Variants in SMYD2 observed in about 807,000 individuals in gnomAD.
SMYD2 encodes the protein SET and MYND domain containing 2, also known as N-lysine methyltransferase SMYD2.
In SMYD2, 53 loss-of-function variants were observed where a neutral mutation model predicts 59.1. That is an observed-to-expected ratio of 0.90 (90% CI 0.72 to 1.13). The LOEUF is 1.13. SMYD2 is among the 50% of genes most tolerant of loss of function. The pLI is 0.00. For synonymous variants in SMYD2, 208 were observed against 198.8 expected (o/e 1.05, Z -0.39); for missense variants, 494 against 544.7 (o/e 0.91, Z 0.93).
In SMYD2 at chr1:214,337,009, C is replaced by T. The variant is rs1657450936; in HGVS notation, c.*225C>T. The T allele has an allele frequency of 6.4e-6, 3 of 465,350 alleles. No homozygotes were observed. Among genetic ancestry groups the T allele is most frequent in the Non-Finnish European group, 1.1e-5 (3 of 264,814 alleles). 28.8% of individuals were successfully genotyped at this position (465,350 alleles called of 1,614,324 possible). On this transcript the variant is annotated 3_prime_UTR_variant, in exon 12 of 12. Transcript: ENST00000366957. The stretch of plus-strand genomic sequence containing the variant: ...GCTTTTGTTTCCTAAGAGATAATGG[C>T]ATGGTTTCATATGTTATACTTTGGA...
At chr1:214,302,413 G>A (rs1656840040) in intron 1 of SMYD2, among the ~76,000 whole-genome samples, 1 of 151,682 alleles carries the variant, frequency 6.6e-6, no homozygotes, top group African/African-American at 2.4e-5. Flanking sequence ...TACCCTTCAG[G>A]AACCTTTACG....
intron 1 of SMYD2, among the ~76,000 whole-genome samples, chr1:214,291,666 G>T (rs954230430): frequency 6.6e-6 from 1 of 152,002 alleles, no homozygotes; most frequent in Non-Finnish European, 1.5e-5. Flanking sequence ...TTCTTCCAGG[G>T]GTGTTGGCCA....
In SMYD2 at chr1:214,304,561, A is replaced by AAAAG. The variant is rs1656885935; in HGVS notation, c.174-623_174-622insGAAA. On this transcript the variant is annotated intron_variant, in intron 1 of 11. Coordinates refer to ENST00000366957, the MANE Select transcript of SMYD2 (RefSeq NM_020197.3). ...GTGACAGAGTGAGACCCTATCTCAA[A>AAAAG]AAAAAAAAAAAAAAAAAAAAAGCAT... is the stretch of plus-strand genomic sequence containing the variant. 8.7e-5 allele frequency among the ~76,000 whole-genome samples: 13 copies of AAAAG among 148,900 alleles called. No individual in the cohort carries two copies. The South Asian group carries it at 1.2e-3, about 13-fold the overall frequency.
intron 1 of SMYD2, among the ~76,000 whole-genome samples, chr1:214,286,714 G>A (rs1195219530): frequency 7.4e-6 from 1 of 135,882 alleles, no homozygotes. Context: ...GTTGCAGTGA[G>A]CTGAGATCAC....
intron 11 of SMYD2, among the ~76,000 whole-genome samples, chr1:214,336,393 A>G (rs577345079): frequency 1.3e-5 from 2 of 152,314 alleles, no homozygotes; most frequent in East Asian, 1.9e-4. Context: ...TTAGCCAGGC[A>G]TGGTGGTGGG....
chr1:214,324,700 A>G lies in SMYD2; in HGVS notation c.594A>G (p.Ile198Met). Residue 198 changes from isoleucine (I) to methionine (M), a missense_variant, in exon 6 of 12, where the codon ATA (isoleucine) becomes ATG (methionine). Transcript: ENST00000366957. ...DEELSHLGSA[I>M]FPDVALMNHS... ...AACTTTCTCATTTGGGATCAGCGATATTTCCTGAGTAGGCTGTGTTTGACT... is the reference window on the plus strand; with the variant it reads ...AACTTTCTCATTTGGGATCAGCGATGTTTCCTGAGTAGGCTGTGTTTGACT... 1.2e-6 allele frequency: 2 copies of G among 1,612,950 alleles called. No homozygotes were observed. The highest frequency in any genetic ancestry group is 1.7e-6 in the Non-Finnish European group (2 of 1,179,460).
chr1:214,333,948 A>G (rs1657396386), intron 10 of SMYD2: 1 of 360,990 alleles, frequency 2.8e-6, no homozygotes. Flanking sequence ...ATGCTTTTGA[A>G]TAGGATTTCT....
chr1:214,309,042 A>G (rs1420943475), intron 2 of SMYD2, among the ~76,000 whole-genome samples: 14 of 152,168 alleles, frequency 9.2e-5, no homozygotes, highest in East Asian at 1.9e-4. Context: ...TCCTCTTTAC[A>G]TGGAGTAAGG....
At chr1:214,334,687 G>T (rs965497570) in intron 11 of SMYD2, among the ~76,000 whole-genome samples, 2 of 152,194 alleles carry the variant, frequency 1.3e-5, no homozygotes, top group African/African-American at 4.8e-5. Context: ...TGTTAGAATT[G>T]CGCATTTGCT....
chr1:214,318,245 G>A lies in SMYD2; in HGVS notation c.409+106G>A. The A allele has an allele frequency of 2.1e-6, 2 of 973,242 alleles. No individual in the cohort carries two copies. Among genetic ancestry groups the A allele is most frequent in the South Asian group, 1.5e-5 (1 of 64,592 alleles). The allele number at this position is 973,242 out of a possible 1,614,324, so 60.3% of individuals were successfully genotyped here. On this transcript the variant is annotated intron_variant, in intron 4 of 11. Coordinates refer to ENST00000366957, the MANE Select transcript of SMYD2 (RefSeq NM_020197.3). This position sits in a 1 kb window ranked among gnomAD's most constrained non-coding sequence, Gnocchi z 5.4. ...GCTAGTTTGTGCTCAGAGGAGTAGT[G>A]ATTTCTTTGATTACTAGTTTTTATT... is the stretch of plus-strand genomic sequence containing the variant.
At chr1:214,336,084 G>C (rs1657430898) in intron 11 of SMYD2, among the ~76,000 whole-genome samples, 1 of 152,102 alleles carries the variant, frequency 6.6e-6, no homozygotes, top group South Asian at 2.1e-4. Context: ...AGTCCTTAAA[G>C]CATGTTTTAC....
intron 1 of SMYD2, among the ~76,000 whole-genome samples, chr1:214,303,048 T>A (rs1656851814): frequency 6.6e-6 from 1 of 152,130 alleles, no homozygotes; most frequent in African/African-American, 2.4e-5. Context: ...CCCTTGAAAT[T>A]TTACAGACTT....
intron 3 of SMYD2, among the ~76,000 whole-genome samples, chr1:214,316,504 A>C (rs1363710839): frequency 8.6e-5 from 13 of 152,038 alleles, no homozygotes; most frequent in Admixed American, 7.9e-4. Flanking sequence ...ATGAAAAAAA[A>C]AAACAAACTG....
intron 5 of SMYD2, 83 bp downstream of exon 5, chr1:214,319,066 G>T: frequency 6.6e-7 from 1 of 1,509,706 alleles, no homozygotes; most frequent in Non-Finnish European, 9.0e-7. Context: ...CAGTGAAGAT[G>T]AATGCAAATA....
intron 2 of SMYD2, among the ~76,000 whole-genome samples, chr1:214,308,065 C>A (rs981969517): frequency 2.0e-5 from 3 of 152,216 alleles, no homozygotes; most frequent in African/African-American, 7.2e-5. Context: ...TGGAGTTTCC[C>A]CTGCTGCTCA....
chr1:214,319,821 G>A (rs1218234198), intron 5 of SMYD2, among the ~76,000 whole-genome samples: 2 of 152,198 alleles, frequency 1.3e-5, no homozygotes, highest in Non-Finnish European at 2.9e-5. Context: ...TTAGAATTCT[G>A]CTCCATGGGA....
intron 5 of SMYD2, among the ~76,000 whole-genome samples, chr1:214,322,050 TG>T (rs1209367278): frequency 7.9e-5 from 12 of 152,150 alleles, no homozygotes; most frequent in African/African-American, 2.4e-4. Flanking sequence ...CTGGTCTAAG[TG>T]GGCTTGCTGC....
At chr1:214,321,527 A>G (rs548303152) in intron 5 of SMYD2, among the ~76,000 whole-genome samples, 1 of 152,348 alleles carries the variant, frequency 6.6e-6, no homozygotes, top group South Asian at 2.1e-4. Flanking sequence ...CTCAGCCAGC[A>G]GCTACGTGTC....
intron 10 of SMYD2, 140 bp downstream of exon 10, chr1:214,332,332 T>A: frequency 1.0e-6 from 1 of 974,662 alleles, no homozygotes; most frequent in Non-Finnish European, 1.5e-6. Context: ...CTGGAGGTGC[T>A]GGTGCAGGGC....
Sources: gnomAD v4.1 joint callset for allele counts (sites outside exome capture counted in the v4.1 genomes callset) on GRCh38, gnomAD v4.1.1 for gene constraint, Gnocchi (gnomAD v3.1) non-coding constraint, MANE v1.5 for transcripts, NCBI Gene and HGNC (gene_info 2026-07-23, HGNC 2026-07-21) for gene names.